GPC5: variants seen among roughly 807,000 people sequenced by gnomAD.
GPC5 encodes the protein glypican 5.
In GPC5, 47 loss-of-function variants were observed where a neutral mutation model predicts 53.9. The ratio of observed to expected loss-of-function variants is 0.87; its 90% CI spans 0.69 to 1.11. The LOEUF (loss-of-function observed/expected upper bound fraction) is 1.11. Among genes scored for constraint, GPC5 ranks in the 50% most tolerant of loss-of-function variants. The probability of loss-of-function intolerance (pLI) is 0.00; values close to 1 mark genes in which losing one functional copy is unlikely to be tolerated. For synonymous variants in GPC5, 286 were observed against 263.3 expected (o/e 1.09, Z -0.84); for missense variants, 748 against 713.1 (o/e 1.05, Z -0.56).
At position 91,693,593 on chromosome 13, in the gene GPC5, C is replaced by T; in HGVS notation, c.732C>T (p.Phe244=). ...TCAACACCACAGACTATCTGCACTT[C>T]TCCAAAGAGTGCAGCAGAGCCCTCC... ...EVINTTDYLH[F]SKECSRALLK... The change falls in exon 3 of 8, where the codon TTC becomes TTT. Residue 244 remains phenylalanine, a synonymous_variant. Coordinates refer to ENST00000377067, the MANE Select transcript of GPC5 (RefSeq NM_004466.6). 1.2e-6 allele frequency: 2 copies of T among 1,614,128 alleles called. No homozygotes were observed. The highest frequency in any genetic ancestry group is 1.7e-6 in the Non-Finnish European group (2 of 1,180,008).
chr13:92,297,470 G>A (rs1426800844), intron 7 of GPC5, among the ~76,000 whole-genome samples: 2 of 141,758 alleles, frequency 1.4e-5, no homozygotes, highest in East Asian at 2.2e-4. Context: ...TACACCAATC[G>A]GCACTCTGTA....
intron 2 of GPC5, among the ~76,000 whole-genome samples, chr13:91,586,590 AGG>A (rs1491279421): frequency 1.1e-4 from 13 of 113,642 alleles, no homozygotes; most frequent in South Asian, 2.9e-4. Context: ...AGAGAGAGAG[AGG>A]GAGAGGAAGT....
intron 6 of GPC5, among the ~76,000 whole-genome samples, chr13:92,100,582 A>G (rs1172175195): frequency 6.6e-6 from 1 of 152,116 alleles, no homozygotes; most frequent in African/African-American, 2.4e-5. Context: ...ATCCTCTTGT[A>G]ATTAGTTTTC....
chr13:91,673,418 A>G (rs1192675515), intron 2 of GPC5, among the ~76,000 whole-genome samples: 4 of 152,122 alleles, frequency 2.6e-5, no homozygotes, highest in Non-Finnish European at 5.9e-5. Context: ...TATACTAACC[A>G]TCGATGACAT....
intron 7 of GPC5, among the ~76,000 whole-genome samples, chr13:92,232,391 G>A (rs1051672718): frequency 2.6e-5 from 4 of 152,036 alleles, no homozygotes; most frequent in Non-Finnish European, 4.4e-5. Context: ...TATTACAAGC[G>A]TATTTTCTTT....
At chr13:92,860,265 G>GA (rs1879137520) in intron 7 of GPC5, among the ~76,000 whole-genome samples, 1 of 151,988 alleles carries the variant, frequency 6.6e-6, no homozygotes, top group Non-Finnish European at 1.5e-5. Context: ...GTTTCACAAG[G>GA]AATAGAAAAG....
intron 7 of GPC5, among the ~76,000 whole-genome samples, chr13:92,304,637 G>C (rs2043098948): frequency 6.6e-6 from 1 of 152,020 alleles, no homozygotes; most frequent in African/African-American, 2.4e-5. Context: ...CATTATTTGA[G>C]TGGCTAGTGG....
intron 7 of GPC5, among the ~76,000 whole-genome samples, chr13:92,268,148 T>C (rs912945982): frequency 7.9e-5 from 12 of 152,102 alleles, no homozygotes; most frequent in African/African-American, 2.9e-4. Context: ...TCTTACTATT[T>C]ATGTGCTATC....
chr13:91,562,187 G>GAAA (rs2031299095), intron 2 of GPC5, among the ~76,000 whole-genome samples: 1 of 5,304 alleles, frequency 1.9e-4, no homozygotes, highest in Non-Finnish European at 3.3e-4. Context: ...AGGAGCAACA[G>GAAA]TAAAAAAAAA....
intron 2 of GPC5, among the ~76,000 whole-genome samples, chr13:91,547,175 A>G (rs920500939): frequency 2.0e-5 from 3 of 152,050 alleles, no homozygotes; most frequent in African/African-American, 7.2e-5. Context: ...AATTAGATAC[A>G]TCTTGTGACA....
chr13:91,581,888 A>T (rs544671262), intron 2 of GPC5, among the ~76,000 whole-genome samples: 1 of 152,296 alleles, frequency 6.6e-6, no homozygotes, highest in South Asian at 2.1e-4. Flanking sequence ...ACAGTTAGGA[A>T]ATCTCCAAAA....
intron 7 of GPC5, among the ~76,000 whole-genome samples, chr13:92,195,530 T>C (rs2042250942): frequency 6.6e-6 from 1 of 152,156 alleles, no homozygotes; most frequent in Admixed American, 6.5e-5. Context: ...CCAAATCAAC[T>C]GCTTTTCATA....
At chr13:91,544,379 T>A (rs897070930) in intron 2 of GPC5, among the ~76,000 whole-genome samples, 8 of 152,202 alleles carry the variant, frequency 5.3e-5, no homozygotes, top group African/African-American at 9.6e-5. Context: ...CTAGTTATAT[T>A]GTATAGTGGT....
intron 7 of GPC5, among the ~76,000 whole-genome samples, chr13:92,460,825 C>A (rs78590777): frequency 6.6e-6 from 1 of 151,934 alleles, no homozygotes; most frequent in Non-Finnish European, 1.5e-5. Flanking sequence ...TGTGCTAGAG[C>A]TAGGTATATA....
intron 7 of GPC5, among the ~76,000 whole-genome samples, chr13:92,822,082 T>A (rs1877693041): frequency 6.6e-6 from 1 of 152,172 alleles, no homozygotes; most frequent in East Asian, 1.9e-4. Flanking sequence ...GGACATATTA[T>A]TTAGCCTCTT....
chr13:92,149,878 T>A (rs1461247730), intron 7 of GPC5, among the ~76,000 whole-genome samples: 2 of 151,868 alleles, frequency 1.3e-5, no homozygotes, highest in Non-Finnish European at 2.9e-5. Context: ...TCTCATTGAT[T>A]TTTTTCCTAT....
chr13:91,512,887 A>G (rs766173963), intron 2 of GPC5, among the ~76,000 whole-genome samples: 1 of 152,168 alleles, frequency 6.6e-6, no homozygotes, highest in South Asian at 2.1e-4. Flanking sequence ...TTTACAGCTT[A>G]TCCAGCTTGG....
intron 7 of GPC5, among the ~76,000 whole-genome samples, chr13:92,613,411 A>C: frequency 1.3e-5 from 1 of 77,192 alleles, no homozygotes; most frequent in African/African-American, 5.1e-5. Flanking sequence ...ATTATATTAT[A>C]TATAAATATG....
intron 7 of GPC5, among the ~76,000 whole-genome samples, chr13:92,663,919 A>C (rs111884849): frequency 0.022 from 2,860 of 130,248 alleles, 173 homozygotes; most frequent in African/African-American, 0.082. Context: ...CACACACACA[A>C]AAATTAGCTC....
Sources: gnomAD v4.1 joint callset for allele counts (sites outside exome capture counted in the v4.1 genomes callset) on GRCh38, gnomAD v4.1.1 for gene constraint, MANE v1.5 for transcripts, NCBI Gene and HGNC (gene_info 2026-07-23, HGNC 2026-07-21) for gene names.